Variants in ZC4H2 observed in about 807,000 individuals in gnomAD.
ZC4H2 encodes the protein zinc finger C4H2 domain-containing protein.
For synonymous variants in ZC4H2, 84 were observed against 66.3 expected, an observed-to-expected ratio of 1.27 and a Z score of -1.30; for missense variants, 137 against 173.9, an observed-to-expected ratio of 0.79 and a Z score of 1.19.
intron 1 of ZC4H2, among the ~76,000 whole-genome samples, chrX:64,953,658 T>C (rs958231705): frequency 9.0e-6 from 1 of 111,543 alleles, no homozygotes; most frequent in African/African-American, 3.3e-5. Context: ...CATTAAAAAG[T>C]CAGGGAACAA....
intron 1 of ZC4H2, among the ~76,000 whole-genome samples, chrX:64,951,084 A>G (rs1313196193): frequency 9.0e-6 from 1 of 110,930 alleles, no homozygotes; most frequent in African/African-American, 3.3e-5. Context: ...GCGATAGTTT[A>G]CTGAGAATGA....
At chrX:64,925,492 C>A (rs1340512425) in intron 1 of ZC4H2, among the ~76,000 whole-genome samples, 1 of 111,901 alleles carries the variant, frequency 8.9e-6, no homozygotes, top group African/African-American at 3.3e-5. Context: ...CCAAGCCTTC[C>A]CAATTTGTAA....
chrX:64,999,208 G>A (rs1159790004), intron 1 of ZC4H2, among the ~76,000 whole-genome samples: 3 of 110,926 alleles, frequency 2.7e-5, no homozygotes, highest in Non-Finnish European at 3.8e-5. Flanking sequence ...CGCAGAAGGC[G>A]GGAGATTTCT....
At chrX:64,966,372 T>C (rs1931593853) in intron 1 of ZC4H2, among the ~76,000 whole-genome samples, 1 of 112,548 alleles carries the variant, frequency 8.9e-6, no homozygotes, top group Non-Finnish European at 1.9e-5. Flanking sequence ...AACTAGGACA[T>C]CCACTTTCAA....
intron 1 of ZC4H2, among the ~76,000 whole-genome samples, chrX:64,923,802 A>T (rs181376654): frequency 2.7e-4 from 29 of 109,295 alleles, no homozygotes; most frequent in Non-Finnish European, 5.7e-5. Flanking sequence ...GAGCTAGTAA[A>T]TTGGATGTTG....
chrX:65,013,091 G>T (rs778214585), intron 1 of ZC4H2, among the ~76,000 whole-genome samples: 2 of 111,295 alleles, frequency 1.8e-5, no homozygotes, highest in Admixed American at 9.6e-5. Flanking sequence ...GAAGAAAATG[G>T]AAATGGATAC....
At chrX:64,954,040 C>T (rs2147393728) in intron 1 of ZC4H2, among the ~76,000 whole-genome samples, 1 of 107,535 alleles carries the variant, frequency 9.3e-6, no homozygotes, top group African/African-American at 3.4e-5. Context: ...AAGCTGGAAA[C>T]CATCATTCTC....
chrX:65,010,620 T>C (rs1044645919), intron 1 of ZC4H2, among the ~76,000 whole-genome samples: 1 of 111,803 alleles, frequency 8.9e-6, no homozygotes, highest in African/African-American at 3.3e-5. Context: ...TTTTTATTCC[T>C]CCCCAAATCT....
rs181729921 is a variant in ZC4H2 at position 65,007,542 on chromosome X, T to C, written c.-272+27087A>G. Among the ~76,000 whole-genome samples the C allele has an allele frequency of 5.3e-4, 59 of 111,913 alleles. 1 individual carries two copies. The highest frequency in any genetic ancestry group is 1.7e-4 in the Non-Finnish European group (9 of 53,186). ...AATGTCCCAGTCTTTAATATCTGGCTCTGAAGAGGGGAAAAAGAGAAAAGT... is the reference window on the plus strand; with the variant it reads ...AATGTCCCAGTCTTTAATATCTGGCCCTGAAGAGGGGAAAAAGAGAAAAGT... On this transcript the variant is annotated intron_variant, in intron 1 of 4. Coordinates refer to the ZC4H2 transcript ENST00000337990.
At chrX:64,994,578 G>C (rs925206348) in intron 1 of ZC4H2, among the ~76,000 whole-genome samples, 2 of 111,529 alleles carry the variant, frequency 1.8e-5, no homozygotes, top group African/African-American at 6.5e-5. Flanking sequence ...TCCAGCCTTT[G>C]AACTTCATGG....
At chrX:64,984,902 G>A (rs1932150346) in intron 1 of ZC4H2, among the ~76,000 whole-genome samples, 1 of 112,386 alleles carries the variant, frequency 8.9e-6, no homozygotes, top group Non-Finnish European at 1.9e-5. Context: ...GGAGTTGGCA[G>A]TTAGGTCAGA....
At chrX:64,925,623 T>G (rs1356545815) in intron 1 of ZC4H2, among the ~76,000 whole-genome samples, 3 of 111,817 alleles carry the variant, frequency 2.7e-5, no homozygotes, top group Non-Finnish European at 5.6e-5. Context: ...TGAGTCCCTT[T>G]TATGTAATCC....
intron 1 of ZC4H2, among the ~76,000 whole-genome samples, chrX:65,005,911 A>G (rs140300200): frequency 1.1e-3 from 118 of 111,394 alleles, no homozygotes; most frequent in Middle Eastern, 4.6e-3. Context: ...ATGAACAGAA[A>G]CTTCTCAAGG....
Position 64,969,247 on chromosome X carries a change from T to G in ZC4H2, c.53+7078A>C, listed in dbSNP as rs764555222. 1.4e-3 allele frequency among the ~76,000 whole-genome samples: 155 copies of G among 111,907 alleles called. 1 individual carries two copies. Among genetic ancestry groups the G allele is most frequent in the African/African-American group, 4.9e-3 (152 of 30,814 alleles). ...AAACATTCAGCTGGATACCTTCTTT[T>G]CAATGATTTCTTTCTGGCAAATATG... is the stretch of plus-strand genomic sequence containing the variant. On this transcript the variant is annotated intron_variant, in intron 1 of 4. Coordinates refer to ENST00000374839, the MANE Select transcript of ZC4H2 (RefSeq NM_018684.4).
At chrX:64,990,759 C>T (rs189204976) in intron 1 of ZC4H2, among the ~76,000 whole-genome samples, 309 of 111,264 alleles carry the variant, frequency 2.8e-3, no homozygotes, top group African/African-American at 8.9e-3. Flanking sequence ...TGAATTAATG[C>T]TGTACAGATG....
chrX:64,951,037 A>T (rs1455689486), intron 1 of ZC4H2, among the ~76,000 whole-genome samples: 1 of 110,425 alleles, frequency 9.1e-6, no homozygotes, highest in East Asian at 2.9e-4. Context: ...ATTCCCACCT[A>T]TGAGTGAGAA....
chrX:64,947,377 C>T (rs1045641750), intron 1 of ZC4H2, among the ~76,000 whole-genome samples: 1 of 111,476 alleles, frequency 9.0e-6, no homozygotes, highest in African/African-American at 3.3e-5. Flanking sequence ...GGTTCTATAT[C>T]CTTGATGATT....
chrX:64,918,912 T>A, intron 4 of ZC4H2, 130 bp downstream of exon 4: 1 of 846,277 alleles, frequency 1.2e-6, no homozygotes, highest in Non-Finnish European at 1.6e-6. Context: ...CCCCTTCCAC[T>A]GTGTCACAAG....
intron 1 of ZC4H2, among the ~76,000 whole-genome samples, chrX:65,019,162 C>T (rs1428147424): frequency 9.0e-6 from 1 of 111,666 alleles, no homozygotes; most frequent in African/African-American, 3.3e-5. Flanking sequence ...AGCAGATCAC[C>T]CAGGACAGCA....
Sources: gnomAD v4.1 joint callset for allele counts (sites outside exome capture counted in the v4.1 genomes callset) on GRCh38, gnomAD v4.1.1 for gene constraint, MANE v1.5 for transcripts, NCBI Gene and HGNC (gene_info 2026-07-23, HGNC 2026-07-21) for gene names.